The following DCHS2 variants were observed in gnomAD, a reference collection of about 807,000 sequenced individuals.
DCHS2 encodes protocadherin-23.
DCHS2 carries 142 observed loss-of-function variants against 182.4 expected under a neutral mutation model. The observed-to-expected ratio is 0.78, with a 90% CI of 0.68 to 0.89. The LOEUF (loss-of-function observed/expected upper bound fraction) is 0.89, where lower values mean the gene tolerates loss of function less well. Ranked by LOEUF, DCHS2 falls within the 40% of genes least tolerant of loss-of-function variation. The pLI is 0.00. For missense variants in DCHS2, 4,319 were observed against 4,198.6 expected (o/e 1.03, Z -0.79); for synonymous variants, 1,740 against 1,663.3 (o/e 1.05, Z -1.12).
intron 1 of DCHS2, among the ~76,000 whole-genome samples, chr4:154,476,056 CT>C (rs1735667854): frequency 6.6e-6 from 1 of 152,160 alleles, no homozygotes; most frequent in Non-Finnish European, 1.5e-5. Context: ...GGAAATATAT[CT>C]ACTATAATTG....
chr4:154,470,949 T>A lies in DCHS2; in HGVS notation c.2052+18355A>T, dbSNP rs141824551. ...CATTTGGATATCAAGAGAAGGAACC[T>A]GAACAAGGATCTGCTGGATCACTGG... On this transcript the variant is annotated intron_variant, in intron 1 of 19. Coordinates refer to ENST00000357232, the MANE Select transcript of DCHS2 (RefSeq NM_001358235.2). Among the ~76,000 whole-genome samples, 96 of 152,318 alleles carry A rather than the reference T, an allele frequency of 6.3e-4. 1 individual carries two copies. Among genetic ancestry groups the A allele is most frequent in the Admixed American group, 5.6e-3 (85 of 15,290 alleles).
chr4:154,391,203 T>G, intron 1 of DCHS2: 1 of 1,613,786 alleles, frequency 6.2e-7, no homozygotes. Flanking sequence ...CACATACACC[T>G]CATATACACA....
intron 1 of DCHS2, among the ~76,000 whole-genome samples, chr4:154,481,758 T>C (rs1579123275): frequency 6.6e-6 from 1 of 152,320 alleles, no homozygotes; most frequent in South Asian, 2.1e-4. Flanking sequence ...GATGACAAAA[T>C]TGAGGCTTAC....
intron 1 of DCHS2, among the ~76,000 whole-genome samples, chr4:154,379,357 T>G (rs1290487830): frequency 6.6e-6 from 1 of 152,168 alleles, no homozygotes; most frequent in Non-Finnish European, 1.5e-5. Flanking sequence ...TGTCCCCAGC[T>G]TAGCTGCAAG....
intron 12 of DCHS2, 89 bp from the exon 13 acceptor site, chr4:154,298,797 A>T (rs1735079062): frequency 6.9e-7 from 1 of 1,450,914 alleles, no homozygotes; most frequent in African/African-American, 1.4e-5. Context: ...TTATACATTC[A>T]TTAAAAATAT....
chr4:154,355,978 G>A (rs1307676553), intron 3 of DCHS2, among the ~76,000 whole-genome samples: 2 of 151,964 alleles, frequency 1.3e-5, no homozygotes, highest in East Asian at 1.9e-4. Flanking sequence ...TTATTTTAGA[G>A]TGCTTTTCTA....
intron 6 of DCHS2, among the ~76,000 whole-genome samples, chr4:154,328,530 AT>A (rs931556900): frequency 7.2e-5 from 11 of 152,302 alleles, no homozygotes; most frequent in Admixed American, 3.3e-4. Flanking sequence ...CTCTTAGGAC[AT>A]TTTTTGAAAG....
chr4:154,412,663 G>C (rs942219322), intron 1 of DCHS2, among the ~76,000 whole-genome samples: 1 of 152,204 alleles, frequency 6.6e-6, no homozygotes, highest in Non-Finnish European at 1.5e-5. Flanking sequence ...AAATGTGGGA[G>C]ATCATTTCAG....
chr4:154,414,872 T>G (rs959211467), intron 1 of DCHS2, among the ~76,000 whole-genome samples: 4 of 152,208 alleles, frequency 2.6e-5, no homozygotes, highest in Non-Finnish European at 2.9e-5. Flanking sequence ...AAAGGGAGTT[T>G]AGAATGATCT....
At chr4:154,353,796 A>G (rs775441354) in intron 3 of DCHS2, among the ~76,000 whole-genome samples, 6 of 152,230 alleles carry the variant, frequency 3.9e-5, no homozygotes, top group Non-Finnish European at 7.3e-5. Flanking sequence ...GGCTATTTGT[A>G]AAAACAGAAT....
At chr4:154,458,749 C>A (rs888622202) in intron 1 of DCHS2, among the ~76,000 whole-genome samples, 1 of 152,104 alleles carries the variant, frequency 6.6e-6, no homozygotes, top group African/African-American at 2.4e-5. Flanking sequence ...AAATGGAATT[C>A]TCTGTTTTCA....
At position 154,329,535 on chromosome 4, in the gene DCHS2, C is replaced by A. The variant is rs1465099327; in HGVS notation, c.3906G>T (p.Glu1302Asp). 1 of 1,613,392 alleles carries A rather than the reference C, an allele frequency of 6.2e-7. No individual in the cohort carries two copies. Among genetic ancestry groups the A allele is most frequent in the Non-Finnish European group, 8.5e-7 (1 of 1,179,628 alleles). The change falls in exon 6 of 20, where the codon GAG (glutamate) becomes GAT (aspartate). Residue 1302 changes from glutamate (E) to aspartate (D), a missense_variant. Transcript: ENST00000357232. ...TTTCTTCACAAACCTTCACGTGTAA[C>A]TCCTTTCCAGGGAGACACTGGGGGA... is the stretch of plus-strand genomic sequence containing the variant. ...PFFPQCLPGK[E>D]LHVKVLEGQP...
chr4:154,323,340 A>AC, intron 7 of DCHS2: 1 of 1,547,380 alleles, frequency 6.5e-7, no homozygotes, highest in Non-Finnish European at 8.7e-7. Flanking sequence ...CTGCCAAAAA[A>AC]AAAAAAAAAG....
intron 12 of DCHS2, among the ~76,000 whole-genome samples, chr4:154,299,402 C>T (rs567766585): frequency 1.8e-4 from 27 of 152,234 alleles, no homozygotes; most frequent in Admixed American, 6.5e-4. Flanking sequence ...TAAAATTGAA[C>T]ACAGGGACAA....
intron 13 of DCHS2, among the ~76,000 whole-genome samples, chr4:154,289,922 A>T (rs1734573918): frequency 6.6e-6 from 1 of 152,024 alleles, no homozygotes; most frequent in Non-Finnish European, 1.5e-5. Flanking sequence ...GGTATAGAAG[A>T]AACATACCTC....
At chr4:154,262,120 A>C (rs761612236) in intron 14 of DCHS2, 5 of 152,212 alleles carry the variant, frequency 3.3e-5, no homozygotes, top group Non-Finnish European at 7.3e-5. Context: ...CGTGTCACTG[A>C]GTAGAAAGTG....
rs1560969322 is a variant in DCHS2 at position 154,235,267 on chromosome 4, T to TGG, written c.9383_9384dup (p.Arg3129ProfsTer24). The stretch of plus-strand genomic sequence containing the variant: ...CTCGGGATACCCGAGTCTGGCACCC[T>TGG]GGACTCGTGGTCACTCAGAGCTGAG... On this transcript the variant is annotated frameshift_variant, in exon 20 of 20. Coordinates refer to ENST00000357232, the MANE Select transcript of DCHS2 (RefSeq NM_001358235.2). LOFTEE classifies it low-confidence loss of function (END_TRUNC). 6.2e-7 allele frequency: 1 copy of TGG among 1,614,114 alleles called. No individual in the cohort carries two copies. The highest frequency in any genetic ancestry group is 8.5e-7 in the Non-Finnish European group (1 of 1,179,978).
At chr4:154,393,956 C>A (rs1731820676) in intron 1 of DCHS2, among the ~76,000 whole-genome samples, 1 of 152,126 alleles carries the variant, frequency 6.6e-6, no homozygotes, top group Non-Finnish European at 1.5e-5. Flanking sequence ...TCAGACACAT[C>A]CATACGCAAG....
At chr4:154,312,438 C>T (rs147246120) in intron 10 of DCHS2, among the ~76,000 whole-genome samples, 148 of 152,254 alleles carry the variant, frequency 9.7e-4, no homozygotes, top group Middle Eastern at 3.4e-3. Context: ...AATCCCTATA[C>T]TTTGGGAGGT....
Sources: gnomAD v4.1 joint callset for allele counts (sites outside exome capture counted in the v4.1 genomes callset) on GRCh38, gnomAD v4.1.1 for gene constraint, MANE v1.5 for transcripts, NCBI Gene and HGNC (gene_info 2026-07-23, HGNC 2026-07-21) for gene names.